Variants in DGKD observed in about 807,000 individuals in gnomAD.
DGKD encodes diacylglycerol kinase delta.
A neutral mutation model predicts 154.4 loss-of-function variants in DGKD; 68 were observed. The ratio of observed to expected loss-of-function variants is 0.44; its 90% CI spans 0.36 to 0.54. The LOEUF (loss-of-function observed/expected upper bound fraction) is 0.54. DGKD is among the 20% of genes least tolerant of loss of function. The pLI is 0.00. For missense variants in DGKD, 1,343 were observed against 1,593.6 expected, an observed-to-expected ratio of 0.84 and a Z score of 2.68; for synonymous variants, 693 against 638.0, an observed-to-expected ratio of 1.09 and a Z score of -1.30.
intron 7 of DGKD, among the ~76,000 whole-genome samples, chr2:233,436,713 C>T (rs187149118): frequency 2.6e-4 from 39 of 152,358 alleles, no homozygotes; most frequent in African/African-American, 5.5e-4. Context: ...GCACTGTAGC[C>T]GGGTTGTGAG....
intron 12 of DGKD, chr2:233,447,575 TG>T (rs1338817497): frequency 1.0e-6 from 1 of 985,920 alleles, no homozygotes; most frequent in Non-Finnish European, 1.2e-6. Flanking sequence ...GAATATTCGC[TG>T]TCTGGCCAGT....
chr2:233,388,094 A>G (rs971477702), intron 1 of DGKD, 163 bp from the exon 2 acceptor site: 1 of 1,446,908 alleles, frequency 6.9e-7, no homozygotes, highest in Non-Finnish European at 9.1e-7. Flanking sequence ...TGCCCCCGGC[A>G]GCGTGCTGGG....
At chr2:233,464,403 C>CT in intron 27 of DGKD, 120 bp downstream of exon 27, 1 of 1,282,116 alleles carries the variant, frequency 7.8e-7, no homozygotes, top group Middle Eastern at 2.4e-4. Flanking sequence ...CCGGCAGCCC[C>CT]TGAGGGGCCT....
intron 1 of DGKD, among the ~76,000 whole-genome samples, chr2:233,369,885 G>C (rs767592912): frequency 7.3e-4 from 111 of 152,154 alleles, no homozygotes; most frequent in Non-Finnish European, 1.4e-3. Context: ...AGGGTAAAGG[G>C]TGTCTGCCTC....
At chr2:233,436,615 T>TG (rs2062705785) in intron 7 of DGKD, among the ~76,000 whole-genome samples, 174 bp downstream of exon 7, 2 of 152,368 alleles carry the variant, frequency 1.3e-5, no homozygotes, top group South Asian at 2.1e-4. Flanking sequence ...AGCTATGTTT[T>TG]GGGGTATTTC....
In DGKD at chr2:233,411,142, A is replaced by C. The variant is rs1177089537; in HGVS notation, c.348+20659A>C. ...CTAGTTTTGGGTTATTACTAATAAA[A>C]CTATGAACATTTGTATACAAGTCTT... On this transcript the variant is annotated intron_variant, in intron 3 of 29. Transcript: ENST00000264057. Among the ~76,000 whole-genome samples the C allele has an allele frequency of 1.3e-5, 2 of 152,218 alleles. 1 individual carries two copies. Among genetic ancestry groups the C allele is most frequent in the Non-Finnish European group, 2.9e-5 (2 of 68,038 alleles).
chr2:233,448,745 T>A (rs1026913305), intron 14 of DGKD, among the ~76,000 whole-genome samples: 1 of 152,152 alleles, frequency 6.6e-6, no homozygotes, highest in Admixed American at 6.5e-5. Flanking sequence ...AACCAGAGGC[T>A]GAAGTGGTTA....
Position 233,459,665 on chromosome 2 carries a change from G to A in DGKD, c.2695-92G>A. On this transcript the variant is annotated intron_variant, in intron 22 of 29. Coordinates refer to ENST00000264057, the MANE Select transcript of DGKD (RefSeq NM_152879.3). The surrounding 1 kb of genome is among the most constrained non-coding windows in gnomAD (Gnocchi z 5.7). ...TGTCCTGCAAGGCAGGGACGGGTGT[G>A]TGGAGCAGGAAGGTCATGGTGGTGC... is the stretch of plus-strand genomic sequence containing the variant. 1 of 1,518,154 alleles carries A rather than the reference G, an allele frequency of 6.6e-7. No individual in the cohort carries two copies. The highest frequency in any genetic ancestry group is 1.3e-5 in the South Asian group (1 of 78,972). 94.0% of individuals were successfully genotyped at this position (1,518,154 alleles called of 1,614,324 possible).
At chr2:233,427,237 G>A (rs2062336009) in intron 3 of DGKD, among the ~76,000 whole-genome samples, 1 of 151,342 alleles carries the variant, frequency 6.6e-6, no homozygotes, top group Admixed American at 6.6e-5. Context: ...CACCTCTGAT[G>A]CAGTTCTGCT....
Position 233,357,535 on chromosome 2 carries a change from TTC to T in DGKD, c.156+2863_156+2864del, listed in dbSNP as rs1256099531. Among the ~76,000 whole-genome samples the T allele has an allele frequency of 4.0e-3, 586 of 147,368 alleles. 4 individuals are homozygous for T. Among genetic ancestry groups the T allele is most frequent in the African/African-American group, 0.015 (559 of 38,226 alleles). ...TGTGCATTTCTTTTTCTTTCTTTCT[TTC>T]TTTTTTTTTTTTTTTTTTGAGACAA... On this transcript the variant is annotated intron_variant, in intron 1 of 29. Transcript: ENST00000264057.
chr2:233,362,071 T>TA (rs1197633755), intron 1 of DGKD, among the ~76,000 whole-genome samples: 1 of 152,202 alleles, frequency 6.6e-6, no homozygotes, highest in Non-Finnish European at 1.5e-5. Context: ...GTGCTGGGAT[T>TA]ACATGCGTGA....
chr2:233,394,691 CTTTTTTTTTTTTTTTTTTTTTTT>C (rs1162430401), intron 3 of DGKD, among the ~76,000 whole-genome samples: 8 of 26,392 alleles, frequency 3.0e-4, no homozygotes, highest in Non-Finnish European at 5.0e-4. Context: ...ATTTAATTCC[CTTTTTTTTTTTTTTTTTTTTTTT>C]TTTTTTTTTT....
At position 233,463,392 on chromosome 2, in the gene DGKD, A is replaced by ATCTCCTCACTCCACG. The variant is rs1559183515; in HGVS notation, c.3186+657_3186+658insTCTCCTCACTCCACG. On this transcript the variant is annotated intron_variant, in intron 26 of 29. Transcript: ENST00000264057. ...CACTCCACACATCTCCTCACTCCACACATCTCCTCACTCCACGCATCTCCT... is the reference window on the plus strand; with the variant it reads ...CACTCCACACATCTCCTCACTCCACATCTCCTCACTCCACGCATCTCCTCACTCCACGCATCTCCT... Among the ~76,000 whole-genome samples the ATCTCCTCACTCCACG allele has an allele frequency of 1.1e-4, 8 of 69,970 alleles. 2 individuals are homozygous for ATCTCCTCACTCCACG. Among genetic ancestry groups the ATCTCCTCACTCCACG allele is most frequent in the Non-Finnish European group, 1.1e-4 (4 of 34,844 alleles). 45.9% of individuals were successfully genotyped at this position (69,970 alleles called of 152,430 possible). A position where few individuals can be genotyped will look rare whatever the true frequency, so the allele number is the denominator to read the frequency against.
rs146793372 is a variant in DGKD, at chr2:233,458,030, G to T, written c.2581-254G>T. Among the ~76,000 whole-genome samples, 2 of 152,156 alleles carry T rather than the reference G, an allele frequency of 1.3e-5. No individual in the cohort carries two copies. The highest frequency in any genetic ancestry group is 6.5e-5 in the Admixed American group (1 of 15,284). ...ACTGATGGCCCTGGAGGAGCGTGCC[G>T]TTAGTTTCCCCATTTTACGCATGAG... On this transcript the variant is annotated intron_variant, in intron 21 of 29. Transcript: ENST00000264057. This position sits in a 1 kb window ranked among gnomAD's most constrained non-coding sequence, Gnocchi z 6.6.
chr2:233,398,147 A>AT (rs113629894), intron 3 of DGKD, among the ~76,000 whole-genome samples: 1,447 of 119,486 alleles, frequency 0.012, 23 homozygotes, highest in African/African-American at 0.039. Flanking sequence ...GAAAGGTAAA[A>AT]TTTTTTTTTT....
At chr2:233,465,068 C>T (rs991730657) in intron 27 of DGKD, among the ~76,000 whole-genome samples, 2 of 152,188 alleles carry the variant, frequency 1.3e-5, no homozygotes, top group Non-Finnish European at 2.9e-5. Context: ...GGCCCTGGGG[C>T]GTTTTTTGAC....
chr2:233,451,159 G>T (rs777225619), intron 17 of DGKD, 109 bp downstream of exon 17: 151 of 817,308 alleles, frequency 1.8e-4, no homozygotes, highest in East Asian at 1.0e-3. Context: ...AGGCCCCTGA[G>T]AAAGATAGGT....
At chr2:233,425,170 C>T (rs1004056827) in intron 3 of DGKD, among the ~76,000 whole-genome samples, 1 of 151,340 alleles carries the variant, frequency 6.6e-6, no homozygotes, top group Non-Finnish European at 1.5e-5. Context: ...AACATATAAA[C>T]GTAAGACTTT....
chr2:233,463,562 G>A (rs1200348343), intron 26 of DGKD, among the ~76,000 whole-genome samples: 11 of 122,996 alleles, frequency 8.9e-5, no homozygotes, highest in African/African-American at 3.5e-4. Flanking sequence ...CTCACTCCAC[G>A]CATCTCCTCA....
Sources: gnomAD v4.1 joint callset for allele counts (sites outside exome capture counted in the v4.1 genomes callset) on GRCh38, gnomAD v4.1.1 for gene constraint, Gnocchi (gnomAD v3.1) non-coding constraint, MANE v1.5 for transcripts, NCBI Gene and HGNC (gene_info 2026-07-23, HGNC 2026-07-21) for gene names.